RPF2: variants seen among roughly 807,000 people sequenced by gnomAD.
RPF2 encodes ribosome production factor 2 homolog.
A neutral mutation model predicts 38.9 loss-of-function variants in RPF2; 21 were observed. The observed-to-expected ratio is 0.54, with a 90% CI of 0.38 to 0.78. RPF2 has a LOEUF of 0.78. RPF2 is among the 30% of genes least tolerant of loss of function. RPF2 has a pLI of 0.00. For synonymous variants in RPF2, 121 were observed against 126.2 expected (o/e 0.96, Z 0.28); for missense variants, 314 against 358.1 (o/e 0.88, Z 0.99).
rs976974793 is a variant in RPF2 at position 111,027,201 on chromosome 6, CTT to C, written c.*1622_*1623del. 2.6e-5 allele frequency: 4 copies of C among 152,232 alleles called. No homozygotes were observed. The highest frequency in any genetic ancestry group is 9.7e-5 in the African/African-American group (4 of 41,446). 9.4% of individuals were successfully genotyped at this position (152,232 alleles called of 1,614,324 possible). ...CTTTACCTTCTACCCTTTCCCTTCT[CTT>C]TTGAATCCATTCCTTAGCTTTCCCT... On this transcript the variant is annotated 3_prime_UTR_variant, in exon 10 of 10. Transcript: ENST00000441448.
chr6:111,002,506 T>C (rs1013426182), intron 6 of RPF2, among the ~76,000 whole-genome samples: 3 of 150,770 alleles, frequency 2.0e-5, no homozygotes, highest in Non-Finnish European at 4.4e-5. Context: ...CCCAGCCACA[T>C]TTTTTTTTAA....
intron 2 of RPF2, among the ~76,000 whole-genome samples, chr6:110,988,101 G>A (rs2114292073): frequency 1.3e-5 from 2 of 152,234 alleles, no homozygotes; most frequent in East Asian, 3.9e-4. Flanking sequence ...TACTTGGGAG[G>A]CTGAGATGGG....
In RPF2 at chr6:110,989,038, A is replaced by T. The variant is rs144105079; in HGVS notation, c.167A>T (p.Lys56Ile). The change falls in exon 3 of 10, where the codon AAA (lysine) becomes ATA (isoleucine). Residue 56 changes from lysine to isoleucine, a missense_variant. By Grantham distance (102) the Lys-to-Ile change is moderately radical. Coordinates refer to ENST00000441448, the MANE Select transcript of RPF2 (RefSeq NM_032194.3). ...AATTTTGTTTTACAGTATGCACTGAAAAAACCATACGGTGTACTATATAAA... is the reference window on the plus strand; with the variant it reads ...AATTTTGTTTTACAGTATGCACTGATAAAACCATACGGTGTACTATATAAA... ...TKVLKDVYAL[K>I]KPYGVLYKKK... 1.3e-6 allele frequency: 2 copies of T among 1,594,182 alleles called. No homozygotes were observed. The highest frequency in any genetic ancestry group is 2.3e-5 in the South Asian group (2 of 87,788).
chr6:111,015,865 A>T lies in RPF2; in HGVS notation c.596+9A>T, dbSNP rs1458996957. ...TACTTTCGAAGCTATAAGTAAGTGCATTTCTTCACATATTTTCTTAATCCT... is the reference window on the plus strand; with the variant it reads ...TACTTTCGAAGCTATAAGTAAGTGCTTTTCTTCACATATTTTCTTAATCCT... On this transcript the variant is annotated intron_variant, in intron 8 of 9. Transcript: ENST00000441448. 2.0e-5 allele frequency: 31 copies of T among 1,550,608 alleles called. 1 individual carries two copies. Among genetic ancestry groups the T allele is most frequent in the Non-Finnish European group, 2.8e-5 (31 of 1,122,608 alleles).
chr6:111,014,387 C>A (rs1164394756), intron 7 of RPF2, among the ~76,000 whole-genome samples: 1 of 152,132 alleles, frequency 6.6e-6, no homozygotes. Context: ...TCGCCTCGGC[C>A]TCCCAAAGTG....
At chr6:111,011,846 C>T (rs1434319825) in intron 7 of RPF2, among the ~76,000 whole-genome samples, 1 of 152,074 alleles carries the variant, frequency 6.6e-6, no homozygotes, top group East Asian at 1.9e-4. Flanking sequence ...CAGGAATGAT[C>T]ACATAATGCA....
intron 3 of RPF2, among the ~76,000 whole-genome samples, chr6:110,989,779 T>C (rs1771587842): frequency 6.6e-6 from 1 of 151,876 alleles, no homozygotes; most frequent in East Asian, 1.9e-4. Context: ...TGCACCTCCA[T>C]GCCCAGCTCA....
At chr6:111,013,220 A>C (rs978030686) in intron 7 of RPF2, among the ~76,000 whole-genome samples, 19 of 152,188 alleles carry the variant, frequency 1.2e-4, no homozygotes, top group African/African-American at 4.6e-4. Context: ...TGATAGAAAA[A>C]TGCTATATGT....
chr6:110,994,280 A>T (rs1302654713), intron 4 of RPF2, among the ~76,000 whole-genome samples: 1 of 71,746 alleles, frequency 1.4e-5, no homozygotes, highest in Non-Finnish European at 2.6e-5. Context: ...CATCTCAATA[A>T]AAAAAAAAAA....
At chr6:110,993,551 C>T (rs374157519) in intron 4 of RPF2, among the ~76,000 whole-genome samples, 58 of 152,190 alleles carry the variant, frequency 3.8e-4, no homozygotes, top group Middle Eastern at 3.4e-3. Context: ...AGTACTTAAT[C>T]AAGGCCTGGT....
At position 111,027,696 on chromosome 6, in the gene RPF2, T is replaced by C. The variant is rs1200485738; in HGVS notation, c.*2114T>C. On this transcript the variant is annotated 3_prime_UTR_variant, in exon 10 of 10. Coordinates refer to ENST00000441448, the MANE Select transcript of RPF2 (RefSeq NM_032194.3). Reference sequence around the variant, plus strand: ...GTTTGTTTTAATCAGCCCTCTTGTTTGAGATTTGGCAATACATTTCTGTTT... The same window carrying C: ...GTTTGTTTTAATCAGCCCTCTTGTTCGAGATTTGGCAATACATTTCTGTTT... 6.6e-6 allele frequency: 1 copy of C among 152,244 alleles called. No individual in the cohort carries two copies. The highest frequency in any genetic ancestry group is 1.9e-4 in the East Asian group (1 of 5,204). The allele number at this position is 152,244 out of a possible 1,614,324, so 9.4% of individuals were successfully genotyped here.
intron 4 of RPF2, among the ~76,000 whole-genome samples, chr6:110,996,904 C>T (rs1461943147): frequency 2.0e-5 from 3 of 152,090 alleles, no homozygotes; most frequent in Admixed American, 6.6e-5. Context: ...TGGGTTCAAG[C>T]GATTCTCGTG....
intron 7 of RPF2, among the ~76,000 whole-genome samples, chr6:111,010,112 C>A (rs1771986191): frequency 6.7e-6 from 1 of 149,772 alleles, no homozygotes; most frequent in African/African-American, 2.5e-5. Flanking sequence ...CTCTGTCCCT[C>A]AATTTTTTTT....
chr6:111,027,372 TGAG>T lies in RPF2; in HGVS notation c.*1791_*1793del, dbSNP rs1215760487. 1 of 152,176 alleles carries T rather than the reference TGAG, an allele frequency of 6.6e-6. No individual in the cohort carries two copies. The highest frequency in any genetic ancestry group is 1.5e-5 in the Non-Finnish European group (1 of 68,050). 9.4% of individuals were successfully genotyped at this position (152,176 alleles called of 1,614,324 possible). A position where few individuals can be genotyped will look rare whatever the true frequency, so the allele number is the denominator to read the frequency against. ...CAGACATTTGCACTTTATATCTAAA[TGAG>T]AAGAAGGGGCTCAGATAAGTCGTTT... On this transcript the variant is annotated 3_prime_UTR_variant, in exon 10 of 10. Coordinates refer to ENST00000441448, the MANE Select transcript of RPF2 (RefSeq NM_032194.3).
intron 4 of RPF2, among the ~76,000 whole-genome samples, chr6:110,995,383 C>T (rs1562367975): frequency 6.6e-6 from 1 of 152,084 alleles, no homozygotes; most frequent in Non-Finnish European, 1.5e-5. Context: ...GTGGCAGAGC[C>T]TGAATTCTTG....
chr6:111,027,252 TCTC>T lies in RPF2; in HGVS notation c.*1674_*1676del, dbSNP rs1772348631. 6.6e-6 allele frequency: 1 copy of T among 152,198 alleles called. No homozygotes were observed. The allele number at this position is 152,198 out of a possible 1,614,324, so 9.4% of individuals were successfully genotyped here. A position where few individuals can be genotyped will look rare whatever the true frequency, so the allele number is the denominator to read the frequency against. ...CTAGTCCTCTCCGGATAGCTGTTAC[TCTC>T]CTCTTGCCAGAAAAATGAAGGAGCT... On this transcript the variant is annotated 3_prime_UTR_variant, in exon 10 of 10. Transcript: ENST00000441448.
intron 4 of RPF2, among the ~76,000 whole-genome samples, chr6:110,994,370 G>A (rs1307855325): frequency 1.3e-5 from 2 of 152,006 alleles, no homozygotes; most frequent in Non-Finnish European, 2.9e-5. Context: ...GGATTGCGTG[G>A]GGCCAGGATT....
chr6:110,983,904 C>T (rs1771477082), intron 1 of RPF2, among the ~76,000 whole-genome samples: 1 of 151,988 alleles, frequency 6.6e-6, no homozygotes, highest in Non-Finnish European at 1.5e-5. Flanking sequence ...TGGCGGGCGC[C>T]TGTAGTCCCA....
At chr6:110,982,605 G>A in intron 1 of RPF2, 1 of 158,092 alleles carries the variant, frequency 6.3e-6, no homozygotes, top group Non-Finnish European at 1.4e-5. Context: ...TGTATGTAGA[G>A]CCTTTGCTGC....
Sources: gnomAD v4.1 joint callset for allele counts (sites outside exome capture counted in the v4.1 genomes callset) on GRCh38, gnomAD v4.1.1 for gene constraint, MANE v1.5 for transcripts, NCBI Gene and HGNC (gene_info 2026-07-23, HGNC 2026-07-21) for gene names.